The following MROH1 variants were observed in gnomAD, a reference collection of about 807,000 sequenced individuals.
MROH1 encodes maestro heat like repeat family member 1, also known as maestro heat-like repeat-containing protein family member 1.
Under a neutral mutation model 116.5 loss-of-function variants are expected in MROH1, and 117 were observed. That is an observed-to-expected ratio of 1.00 (90% CI 0.86 to 1.17). The LOEUF (loss-of-function observed/expected upper bound fraction) is 1.17. Among genes scored for constraint, MROH1 ranks in the 50% most tolerant of loss-of-function variants. The probability of loss-of-function intolerance (pLI) is 0.00; values close to 1 mark genes in which losing one functional copy is unlikely to be tolerated. For synonymous variants in MROH1, 921 were observed against 583.9 expected (o/e 1.58, Z -8.32); for missense variants, 1,873 against 1,338.5 (o/e 1.40, Z -6.23).
chr8:144,224,725 C>T (rs968005551), intron 14 of MROH1, among the ~76,000 whole-genome samples: 3 of 152,192 alleles, frequency 2.0e-5, no homozygotes, highest in Non-Finnish European at 4.4e-5. Context: ...GGACATGTTG[C>T]TCTGAGACAA....
intron 3 of MROH1, among the ~76,000 whole-genome samples, chr8:144,166,569 C>T (rs1820885025): frequency 6.6e-6 from 1 of 152,172 alleles, no homozygotes; most frequent in Non-Finnish European, 1.5e-5. Flanking sequence ...AAGGGATGAG[C>T]CACACCTCAG....
chr8:144,218,711 T>C (rs1454893980), intron 12 of MROH1, among the ~76,000 whole-genome samples: 5 of 4,022 alleles, frequency 1.2e-3, no homozygotes, highest in Non-Finnish European at 2.3e-3. Context: ...TCTCCCCTCC[T>C]GTCCCCCCTC....
intron 4 of MROH1, among the ~76,000 whole-genome samples, chr8:144,170,128 G>A (rs1313943580): frequency 1.3e-5 from 2 of 152,170 alleles, no homozygotes; most frequent in African/African-American, 2.4e-5. Context: ...CCACTACCTG[G>A]CCAATATTTA....
chr8:144,223,403 G>T (rs1837209085), intron 14 of MROH1, among the ~76,000 whole-genome samples, 173 bp downstream of exon 14: 1 of 152,074 alleles, frequency 6.6e-6, no homozygotes, highest in Non-Finnish European at 1.5e-5. Context: ...TTGCTTCTGT[G>T]GCCCAGGCTG....
chr8:144,179,214 C>T (rs1241309111), intron 4 of MROH1, among the ~76,000 whole-genome samples: 4 of 152,066 alleles, frequency 2.6e-5, no homozygotes, highest in Admixed American at 1.3e-4. Flanking sequence ...CCCCCCGCCT[C>T]GCCCTCTGCA....
chr8:144,191,944 A>C, intron 9 of MROH1, 89 bp downstream of exon 9: 4 of 1,483,402 alleles, frequency 2.7e-6, no homozygotes, highest in Non-Finnish European at 3.7e-6. Context: ...GCTAGGGCTC[A>C]GTGGTGGGTG....
intron 8 of MROH1, 134 bp from the exon 9 acceptor site, chr8:144,191,581 C>T (rs992338690): frequency 2.6e-5 from 32 of 1,213,056 alleles, no homozygotes; most frequent in African/African-American, 7.5e-5. Flanking sequence ...GTGCTAGGCT[C>T]ACGTCCCAGC....
At chr8:144,210,708 CTATATA>C (rs1399140207) in intron 12 of MROH1, among the ~76,000 whole-genome samples, 17 of 151,216 alleles carry the variant, frequency 1.1e-4, no homozygotes, top group African/African-American at 2.9e-4. Flanking sequence ...CTCTATCTCT[CTATATA>C]TATATACATT....
At chr8:144,236,895 CCTTTT>C (rs1840127951) in intron 14 of MROH1, among the ~76,000 whole-genome samples, 16 of 131,182 alleles carry the variant, frequency 1.2e-4, no homozygotes, top group African/African-American at 4.7e-4. Context: ...CTCTCCTATT[CCTTTT>C]TTTTTTTTTT....
intron 33 of MROH1, chr8:144,251,070 C>G (rs1032897549): frequency 0.047 from 7,494 of 160,466 alleles, 240 homozygotes; most frequent in African/African-American, 0.083. Flanking sequence ...GGCAGAGTGA[C>G]CCTTCCCCTG....
intron 1 of MROH1, among the ~76,000 whole-genome samples, chr8:144,158,244 C>T (rs1454045897): frequency 1.3e-5 from 2 of 150,622 alleles, no homozygotes; most frequent in African/African-American, 2.4e-5. Context: ...CCACGTACTT[C>T]AGCCTCCCAA....
intron 14 of MROH1, among the ~76,000 whole-genome samples, chr8:144,232,509 T>TA: frequency 6.6e-6 from 1 of 151,374 alleles, no homozygotes; most frequent in Non-Finnish European, 1.5e-5. Context: ...TTTATTTATT[T>TA]TTGAGACAGA....
chr8:144,212,081 T>TTTGTTTGC (rs1379373447), intron 12 of MROH1, among the ~76,000 whole-genome samples: 1 of 151,510 alleles, frequency 6.6e-6, no homozygotes, highest in Non-Finnish European at 1.5e-5. Context: ...TGTTTTTTTG[T>TTTGTTTGC]TTGTTTGTTT....
chr8:144,251,664 CCTCCGTGATTACCGCCTGG>C (rs1294511353), intron 33 of MROH1: 1 of 152,342 alleles, frequency 6.6e-6, no homozygotes, highest in Non-Finnish European at 1.5e-5. Context: ...ACTTGTATTT[CCTCCGTGATTACCGCCTGG>C]CTCATCAATC....
intron 2 of MROH1, among the ~76,000 whole-genome samples, chr8:144,162,943 G>A (rs1339262282): frequency 6.6e-6 from 1 of 151,268 alleles, no homozygotes; most frequent in African/African-American, 2.4e-5. Flanking sequence ...GGCTGGTCTC[G>A]AACTCCTGAC....
rs752878010 is a variant in MROH1 at position 144,163,791 on chromosome 8, T to A, written c.-36T>A. 1.2e-6 allele frequency: 2 copies of A among 1,612,712 alleles called. No individual in the cohort carries two copies. The stretch of plus-strand genomic sequence containing the variant: ...TCCAGATGGGAGAAGAAGTTGTCCA[T>A]GTTCACACTGGGTGAAGGAAGCTGA... On this transcript the variant is annotated 5_prime_UTR_variant, in exon 3 of 44. The change abolishes an upstream ATG in the 5' untranslated region. Coordinates refer to ENST00000326134, the MANE Select transcript of MROH1 (RefSeq NM_032450.3). The surrounding 1 kb of genome is among the most constrained non-coding windows in gnomAD (Gnocchi z 4.4).
intron 10 of MROH1, chr8:144,192,781 C>G (rs7461061): frequency 2.6e-6 from 1 of 377,992 alleles, no homozygotes; most frequent in Non-Finnish European, 5.1e-6. Flanking sequence ...GGCTGCAGGA[C>G]GGGGGTCTTG....
chr8:144,246,892 G>GGGT (rs1248216089), intron 29 of MROH1, among the ~76,000 whole-genome samples: 4 of 152,218 alleles, frequency 2.6e-5, no homozygotes, highest in African/African-American at 9.7e-5. Flanking sequence ...AGGACAGTCA[G>GGGT]GGTGTGAGGG....
intron 1 of MROH1, among the ~76,000 whole-genome samples, chr8:144,155,570 A>G (rs1028026705): frequency 6.6e-6 from 1 of 152,018 alleles, no homozygotes; most frequent in Non-Finnish European, 1.5e-5. Flanking sequence ...GAACCCATGC[A>G]GTTGAAACTT....
Sources: gnomAD v4.1 joint callset for allele counts (sites outside exome capture counted in the v4.1 genomes callset) on GRCh38, gnomAD v4.1.1 for gene constraint, Gnocchi (gnomAD v3.1) non-coding constraint, MANE v1.5 for transcripts, NCBI Gene and HGNC (gene_info 2026-07-23, HGNC 2026-07-21) for gene names.